RAI14: variants seen among roughly 807,000 people sequenced by gnomAD.
The protein encoded by RAI14 is retinoic acid induced 14.
A neutral mutation model predicts 115.4 loss-of-function variants in RAI14; 45 were observed. That is an observed-to-expected ratio of 0.39 (90% CI 0.31 to 0.50). RAI14 has a LOEUF of 0.50. Among genes scored for constraint, RAI14 ranks in the 20% least tolerant of loss-of-function variants. The pLI is 0.85. For synonymous variants in RAI14, 371 were observed against 415.4 expected, an observed-to-expected ratio of 0.89 and a Z score of 1.30; for missense variants, 939 against 1,131.2, an observed-to-expected ratio of 0.83 and a Z score of 2.44.
At chr5:34,750,384 C>G (rs2150070410) in intron 2 of RAI14, among the ~76,000 whole-genome samples, 1 of 152,218 alleles carries the variant, frequency 6.6e-6, no homozygotes, top group East Asian at 1.9e-4. Context: ...GTGCATTATT[C>G]TGAGGAATGT....
intron 2 of RAI14, among the ~76,000 whole-genome samples, chr5:34,749,537 C>T (rs1366941457): frequency 2.0e-5 from 3 of 152,166 alleles, no homozygotes; most frequent in African/African-American, 4.8e-5. Flanking sequence ...GTTCATCACC[C>T]GGTTGACATG....
At chr5:34,699,956 A>T (rs1561252857) in intron 2 of RAI14, among the ~76,000 whole-genome samples, 1 of 152,128 alleles carries the variant, frequency 6.6e-6, no homozygotes, top group African/African-American at 2.4e-5. Flanking sequence ...CAGGTACTGG[A>T]TTAGCTTTCT....
chr5:34,708,065 A>G (rs1740920865), intron 2 of RAI14, among the ~76,000 whole-genome samples: 1 of 152,248 alleles, frequency 6.6e-6, no homozygotes, highest in Non-Finnish European at 1.5e-5. Flanking sequence ...GAGTAAGGAA[A>G]GGTTATCATG....
intron 2 of RAI14, among the ~76,000 whole-genome samples, chr5:34,705,036 C>G (rs983922986): frequency 6.6e-6 from 1 of 152,164 alleles, no homozygotes; most frequent in Admixed American, 6.5e-5. Flanking sequence ...CCAAGCAATG[C>G]TCCCACCTCA....
At chr5:34,692,061 G>A (rs966675574) in intron 2 of RAI14, among the ~76,000 whole-genome samples, 2 of 152,098 alleles carry the variant, frequency 1.3e-5, no homozygotes, top group Non-Finnish European at 2.9e-5. Flanking sequence ...TCAGGAGTTC[G>A]AGACCAGCCT....
Position 34,829,804 on chromosome 5 carries a change from T to C in RAI14, c.2865+7T>C. On this transcript the variant is annotated splice_region_variant and intron_variant, in intron 17 of 17. Transcript: ENST00000265109. ...TCTTCTGTATGCTGTGCAGGTATGG[T>C]TATGCCCCTTGAAGTATCTGGACAT... is the stretch of plus-strand genomic sequence containing the variant. The C allele has an allele frequency of 6.2e-7, 1 of 1,602,940 alleles. No individual in the cohort carries two copies. The highest frequency in any genetic ancestry group is 8.5e-7 in the Non-Finnish European group (1 of 1,172,788).
intron 2 of RAI14, among the ~76,000 whole-genome samples, chr5:34,688,532 T>C (rs1028434282): frequency 6.6e-6 from 1 of 152,118 alleles, no homozygotes. Context: ...AATATTTCCA[T>C]GATTTAAAAA....
Position 34,827,971 on chromosome 5 carries a change from G to A in RAI14, c.2799+1492G>A, listed in dbSNP as rs1480831866. Among the ~76,000 whole-genome samples, 1 of 152,214 alleles carries A rather than the reference G, an allele frequency of 6.6e-6. No individual in the cohort carries two copies. Among genetic ancestry groups the A allele is most frequent in the Non-Finnish European group, 1.5e-5 (1 of 68,054 alleles). The stretch of plus-strand genomic sequence containing the variant: ...TTCCTACGGGAGTTACACTTGTGCT[G>A]AGTCTTGAAGGCCTGAGTAAGAATA... On this transcript the variant is annotated intron_variant, in intron 16 of 17. Coordinates refer to ENST00000265109, the MANE Select transcript of RAI14 (RefSeq NM_015577.3). This position sits in a 1 kb window ranked among gnomAD's most constrained non-coding sequence, Gnocchi z 4.2.
At chr5:34,744,937 T>G (rs1388751521) in intron 2 of RAI14, among the ~76,000 whole-genome samples, 1 of 152,198 alleles carries the variant, frequency 6.6e-6, no homozygotes, top group Non-Finnish European at 1.5e-5. Flanking sequence ...GTTCCTTGGT[T>G]AATGGCAGCA....
intron 3 of RAI14, among the ~76,000 whole-genome samples, chr5:34,794,682 A>G (rs1225105098): frequency 6.6e-6 from 1 of 152,146 alleles, no homozygotes; most frequent in African/African-American, 2.4e-5. Flanking sequence ...AGGCACAGAG[A>G]GGTTAAAATG....
rs564779465 is a variant in RAI14 at position 34,680,030 on chromosome 5, C to G, written c.-48-6842C>G. On this transcript the variant is annotated intron_variant, in intron 1 of 17. Transcript: ENST00000265109. ...TGATTATATGCCAATGGCCAGGGCT[C>G]AAGTTCAGGCAAAATGAAAATACTC... is the stretch of plus-strand genomic sequence containing the variant. Among the ~76,000 whole-genome samples the G allele has an allele frequency of 2.0e-5, 3 of 152,236 alleles. No homozygotes were observed. In the South Asian group the frequency reaches 6.2e-4, roughly 32 times the overall value.
intron 2 of RAI14, among the ~76,000 whole-genome samples, chr5:34,713,198 G>T (rs1741604977): frequency 6.6e-6 from 1 of 152,082 alleles, no homozygotes; most frequent in Non-Finnish European, 1.5e-5. Context: ...TATGATGTAG[G>T]GCTGGTGAGG....
intron 2 of RAI14, among the ~76,000 whole-genome samples, chr5:34,739,491 A>G (rs1745237469): frequency 6.6e-6 from 1 of 152,220 alleles, no homozygotes; most frequent in Non-Finnish European, 1.5e-5. Flanking sequence ...GTTTATTCTC[A>G]GTAGTAGAGA....
intron 2 of RAI14, among the ~76,000 whole-genome samples, chr5:34,747,247 T>C (rs975955694): frequency 3.3e-5 from 5 of 152,354 alleles, no homozygotes; most frequent in Admixed American, 2.6e-4. Context: ...TCCTTATCTG[T>C]AAAGGGCTAA....
At chr5:34,796,135 C>G in intron 4 of RAI14, 108 bp downstream of exon 4, 2 of 855,570 alleles carry the variant, frequency 2.3e-6, no homozygotes, top group Non-Finnish European at 3.9e-6. Flanking sequence ...GTAACTCATC[C>G]TGTAATTACA....
At chr5:34,671,727 T>C (rs1274305625) in intron 1 of RAI14, among the ~76,000 whole-genome samples, 2 of 152,224 alleles carry the variant, frequency 1.3e-5, no homozygotes, top group Non-Finnish European at 2.9e-5. Context: ...TAAAACTTAC[T>C]AATGATGGAG....
At chr5:34,782,674 G>A (rs1751810471) in intron 3 of RAI14, among the ~76,000 whole-genome samples, 1 of 152,054 alleles carries the variant, frequency 6.6e-6, no homozygotes, top group Non-Finnish European at 1.5e-5. Context: ...TCCTACAGTG[G>A]GCCATATCAT....
Position 34,800,127 on chromosome 5 carries a change from A to G in RAI14, c.257-3585A>G, listed in dbSNP as rs543381855. Among the ~76,000 whole-genome samples, 25 of 152,300 alleles carry G rather than the reference A, an allele frequency of 1.6e-4. 1 individual carries two copies. In the South Asian group the frequency reaches 5.0e-3, roughly 30 times the overall value. On this transcript the variant is annotated intron_variant, in intron 4 of 17. Transcript: ENST00000265109. ...TGATTATAGTGCAATATCAACTGTC[A>G]TGTCATTTTAGATTGATACTACTTA...
chr5:34,723,507 C>T lies in RAI14; in HGVS notation c.37-33961C>T, dbSNP rs144462291. Among the ~76,000 whole-genome samples, 500 of 152,216 alleles carry T rather than the reference C, an allele frequency of 3.3e-3. 3 individuals are homozygous for T. The highest frequency in any genetic ancestry group is 0.012 in the African/African-American group (478 of 41,534). Reference sequence around the variant, plus strand: ...GTGCTCCTCTTTACTCAAAGTTTACCGATTTAAGTGTTAATCATATCTAAA... The same window carrying T: ...GTGCTCCTCTTTACTCAAAGTTTACTGATTTAAGTGTTAATCATATCTAAA... On this transcript the variant is annotated intron_variant, in intron 2 of 17. Transcript: ENST00000265109.
Sources: allele counts gnomAD v4.1 joint callset (sites outside exome capture counted in the v4.1 genomes callset), GRCh38; gene constraint gnomAD v4.1.1; non-coding constraint Gnocchi (gnomAD v3.1); transcripts MANE v1.5; gene names NCBI Gene and HGNC (gene_info 2026-07-23, HGNC 2026-07-21).